Variants in SCFD2 observed in about 807,000 individuals in gnomAD.
SCFD2 encodes sec1 family domain containing 2, also known as sec1 family domain-containing protein 2.
Under a neutral mutation model 58.9 loss-of-function variants are expected in SCFD2, and 54 were observed. The observed-to-expected ratio is 0.92, with a 90% CI of 0.74 to 1.15. SCFD2 has a LOEUF of 1.15. Ranked by LOEUF, SCFD2 falls within the 50% of genes most tolerant of loss-of-function variation. SCFD2 has a pLI of 0.00. For missense variants in SCFD2, 805 were observed against 836.6 expected (o/e 0.96, Z 0.47); for synonymous variants, 321 against 335.9 (o/e 0.96, Z 0.49).
At chr4:53,225,937 T>G (rs1729198619) in intron 4 of SCFD2, among the ~76,000 whole-genome samples, 1 of 152,192 alleles carries the variant, frequency 6.6e-6, no homozygotes, top group Non-Finnish European at 1.5e-5. Context: ...TTTCCGGTAG[T>G]TTACTTGTTA....
chr4:53,132,959 A>T (rs1180578317), intron 5 of SCFD2, among the ~76,000 whole-genome samples: 2 of 152,340 alleles, frequency 1.3e-5, no homozygotes, highest in East Asian at 3.9e-4. Context: ...AAACTGTGGG[A>T]TGAGAGAAGA....
At chr4:53,063,933 C>A (rs1300841081) in intron 5 of SCFD2, among the ~76,000 whole-genome samples, 1 of 152,028 alleles carries the variant, frequency 6.6e-6, no homozygotes, top group Admixed American at 6.6e-5. Flanking sequence ...GATTTACTAT[C>A]ATTTGTAGCT....
chr4:53,292,958 G>A (rs1731893959), intron 3 of SCFD2, among the ~76,000 whole-genome samples: 1 of 152,080 alleles, frequency 6.6e-6, no homozygotes, highest in Non-Finnish European at 1.5e-5. Context: ...CATAGGTGGA[G>A]CAAACCACCA....
chr4:53,337,082 G>A lies in SCFD2; in HGVS notation c.1007+15516C>T, dbSNP rs139103776. Among the ~76,000 whole-genome samples, 609 of 151,486 alleles carry A rather than the reference G, an allele frequency of 4.0e-3. 4 individuals carry two copies. Among genetic ancestry groups the A allele is most frequent in the East Asian group, 0.029 (148 of 5,126 alleles). On this transcript the variant is annotated intron_variant, in intron 2 of 8. Coordinates refer to ENST00000401642, the MANE Select transcript of SCFD2 (RefSeq NM_152540.4). Reference sequence around the variant, plus strand: ...TGCCATAAAAAATTACCACAAACAGGGTGGCTTAAACAACAGAAATTTATT... The same window carrying A: ...TGCCATAAAAAATTACCACAAACAGAGTGGCTTAAACAACAGAAATTTATT...
chr4:53,335,205 AAAAAAAAACAAC>A (rs1193438529), intron 2 of SCFD2, among the ~76,000 whole-genome samples: 7 of 146,604 alleles, frequency 4.8e-5, no homozygotes, highest in African/African-American at 1.8e-4. Flanking sequence ...AAAAAAAAAA[AAAAAAAAACAAC>A]AAAAAAAAAA....
At chr4:53,180,116 C>T (rs1298227234) in intron 4 of SCFD2, among the ~76,000 whole-genome samples, 1 of 152,076 alleles carries the variant, frequency 6.6e-6, no homozygotes, top group African/African-American at 2.4e-5. Flanking sequence ...AACAAGGATA[C>T]CCAGGAATTG....
intron 5 of SCFD2, among the ~76,000 whole-genome samples, chr4:52,935,695 T>C (rs1462033195): frequency 8.5e-5 from 13 of 152,234 alleles, no homozygotes; most frequent in Admixed American, 8.5e-4. Context: ...AAATGTTTCT[T>C]TCTAAGAAAT....
intron 5 of SCFD2, among the ~76,000 whole-genome samples, chr4:53,103,768 TAAAAA>T (rs35959095): frequency 2.9e-5 from 1 of 34,028 alleles, no homozygotes; most frequent in Non-Finnish European, 4.9e-5. Context: ...AGTAAGGAAG[TAAAAA>T]AAAAAAAAAA....
At chr4:53,007,334 G>GAGAGAGAGAGAGAGAGAGAGAGA (rs10670717) in intron 5 of SCFD2, among the ~76,000 whole-genome samples, 1 of 123,028 alleles carries the variant, frequency 8.1e-6, no homozygotes, top group Non-Finnish European at 1.7e-5. Flanking sequence ...GAGAGAGAGA[G>GAGAGAGAGAGAGAGAGAGAGAGA]GGAGAGAGAG....
At chr4:53,058,078 T>C (rs1393248129) in intron 5 of SCFD2, among the ~76,000 whole-genome samples, 1 of 152,162 alleles carries the variant, frequency 6.6e-6, no homozygotes, top group Non-Finnish European at 1.5e-5. Context: ...GACCATTCAA[T>C]AGACAGCTAC....
chr4:53,085,280 T>C (rs2148861939), intron 5 of SCFD2, among the ~76,000 whole-genome samples: 1 of 152,248 alleles, frequency 6.6e-6, no homozygotes, highest in East Asian at 1.9e-4. Context: ...TAATCCCATT[T>C]ACAAAGGCCA....
chr4:53,171,578 A>G (rs1486768865), intron 4 of SCFD2, among the ~76,000 whole-genome samples: 3 of 152,166 alleles, frequency 2.0e-5, no homozygotes, highest in Admixed American at 6.5e-5. Context: ...AAGGATTGGC[A>G]TTAGTTCTTT....
At chr4:53,242,380 C>T (rs1729923919) in intron 4 of SCFD2, among the ~76,000 whole-genome samples, 1 of 152,114 alleles carries the variant, frequency 6.6e-6, no homozygotes. Context: ...GACCTGGCTC[C>T]CTAAAAATCT....
chr4:53,258,889 A>AT lies in SCFD2; in HGVS notation c.1311+14936dup, dbSNP rs564027586. On this transcript the variant is annotated intron_variant, in intron 4 of 8. Coordinates refer to ENST00000401642, the MANE Select transcript of SCFD2 (RefSeq NM_152540.4). ...TTTCACCACATCCACACCAATATCT[A>AT]TTTTTTTATTTTTTTATTATGGCCA... is the stretch of plus-strand genomic sequence containing the variant. Among the ~76,000 whole-genome samples the AT allele has an allele frequency of 8.5e-3, 1,292 of 151,582 alleles. 12 individuals are homozygous for AT. The highest frequency in any genetic ancestry group is 0.03 in the African/African-American group (1,229 of 41,404).
At chr4:53,140,504 A>G (rs557728749) in intron 5 of SCFD2, among the ~76,000 whole-genome samples, 4 of 151,290 alleles carry the variant, frequency 2.6e-5, no homozygotes, top group Non-Finnish European at 4.4e-5. Flanking sequence ...TGGGCAACCA[A>G]TAGATTTCAA....
At chr4:53,260,435 T>A (rs910015035) in intron 4 of SCFD2, among the ~76,000 whole-genome samples, 1 of 152,112 alleles carries the variant, frequency 6.6e-6, no homozygotes, top group Non-Finnish European at 1.5e-5. Flanking sequence ...GTTTAATCAC[T>A]AAGGGATGCT....
At chr4:53,246,430 T>C (rs78901404) in intron 4 of SCFD2, among the ~76,000 whole-genome samples, 15,811 of 152,150 alleles carry the variant, frequency 0.1, 927 homozygotes, top group East Asian at 0.22. Flanking sequence ...CACATCACAC[T>C]ACCCAACTTT....
intron 4 of SCFD2, among the ~76,000 whole-genome samples, chr4:53,194,377 A>G (rs952448355): frequency 7.2e-5 from 11 of 152,106 alleles, no homozygotes; most frequent in African/African-American, 2.7e-4. Context: ...AAAACTCACT[A>G]TTATCTATTA....
At position 52,885,613 on chromosome 4, in the gene SCFD2, G is replaced by A. The variant is rs541241285; in HGVS notation, c.1962+134C>T. 34 of 999,328 alleles carry A rather than the reference G, an allele frequency of 3.4e-5. No homozygotes were observed. In the African/African-American group the frequency reaches 5.1e-4, roughly 15 times the overall value. The allele number at this position is 999,328 out of a possible 1,614,324, so 61.9% of individuals were successfully genotyped here. On this transcript the variant is annotated intron_variant, in intron 8 of 8. Coordinates refer to ENST00000401642, the MANE Select transcript of SCFD2 (RefSeq NM_152540.4). ...TTGTGAAACAGGCGGTAGCAGGAGG[G>A]AGGGAACAAAGCCAAGAGGGTGATG...
Sources: gnomAD v4.1 joint callset for allele counts (sites outside exome capture counted in the v4.1 genomes callset) on GRCh38, gnomAD v4.1.1 for gene constraint, MANE v1.5 for transcripts, NCBI Gene and HGNC (gene_info 2026-07-23, HGNC 2026-07-21) for gene names.